Variants in WDR19 observed in about 807,000 individuals in gnomAD.
The protein encoded by WDR19 is WD repeat-containing protein 19.
A neutral mutation model predicts 180.0 loss-of-function variants in WDR19; 121 were observed. That is an observed-to-expected ratio of 0.67 (90% CI 0.58 to 0.78). The LOEUF is 0.78. Among genes scored for constraint, WDR19 ranks in the 30% least tolerant of loss-of-function variants. The pLI, the probability that WDR19 is intolerant of heterozygous loss-of-function variation, is 0.00. For synonymous variants in WDR19, 497 were observed against 540.7 expected, an observed-to-expected ratio of 0.92 and a Z score of 1.12; for missense variants, 1,450 against 1,640.7, an observed-to-expected ratio of 0.88 and a Z score of 2.01.
intron 17 of WDR19, 122 bp from the exon 18 acceptor site, chr4:39,231,675 C>T (rs530604812): frequency 1.3e-5 from 10 of 779,972 alleles, no homozygotes; most frequent in African/African-American, 1.8e-5. Flanking sequence ...ATGACAATTA[C>T]AGGTTAAGAA....
At chr4:39,281,934 C>T (rs748211443) in intron 36 of WDR19, among the ~76,000 whole-genome samples, 2 of 152,120 alleles carry the variant, frequency 1.3e-5, no homozygotes, top group Non-Finnish European at 2.9e-5. Flanking sequence ...AGTTTCCTGA[C>T]ACGTGACCCT....
Position 39,282,027 on chromosome 4 carries a change from C to G in WDR19, c.*13+3364C>G, listed in dbSNP as rs181023871. 2.3e-4 allele frequency among the ~76,000 whole-genome samples: 35 copies of G among 152,196 alleles called. 1 individual carries two copies. In the East Asian group the frequency reaches 6.7e-3, roughly 29 times the overall value. ...CTCTCCCTTCAGGTAAAGTCTGGAC[C>G]CTATTATAAAGGGCTCACCTGATGA... On this transcript the variant is annotated intron_variant, in intron 36 of 36. Transcript: ENST00000399820.
chr4:39,228,670 A>G lies in WDR19; in HGVS notation c.1962A>G (p.Ala654=), dbSNP rs770818331. 5.0e-6 allele frequency: 8 copies of G among 1,600,612 alleles called. No homozygotes were observed. Among genetic ancestry groups the G allele is most frequent in the African/African-American group, 4.0e-5 (3 of 74,434 alleles). The change falls in exon 17 of 37, where the codon GCA becomes GCG. Residue 654 remains alanine, a synonymous_variant. Coordinates refer to ENST00000399820, the MANE Select transcript of WDR19 (RefSeq NM_025132.4). ...CTGACGAACTGAGACCAATGCTGGC[A>G]CAGAATTTAATGCTAAAGAGGTAGG... ...TGPDELRPML[A]QNLMLKRFSD...
intron 3 of WDR19, among the ~76,000 whole-genome samples, chr4:39,189,306 C>T (rs1375263263): frequency 6.6e-6 from 1 of 152,090 alleles, no homozygotes; most frequent in Non-Finnish European, 1.5e-5. Context: ...AATTATGTCT[C>T]GATTCCAGAT....
Position 39,215,829 on chromosome 4 carries a change from C to G in WDR19, c.962-12C>G, listed in dbSNP as rs370663909. ...GTTTTTGAATAATCATTTATTTTGT[C>G]GATTATTTCAGGATTGGGTACCTTG... is the stretch of plus-strand genomic sequence containing the variant. On this transcript the variant is annotated splice_polypyrimidine_tract_variant and intron_variant, in intron 10 of 36. Coordinates refer to ENST00000399820, the MANE Select transcript of WDR19 (RefSeq NM_025132.4). 3.8e-6 allele frequency: 6 copies of G among 1,587,514 alleles called. No individual in the cohort carries two copies. The African/African-American group carries it at 8.1e-5, about 21-fold the overall frequency.
chr4:39,280,935 G>GC (rs367922501), intron 36 of WDR19, among the ~76,000 whole-genome samples: 2 of 151,974 alleles, frequency 1.3e-5, no homozygotes, highest in African/African-American at 4.8e-5. Context: ...TCCTTCTTTT[G>GC]CATGTAGATA....
chr4:39,221,191 G>A (rs1024117479), intron 14 of WDR19, among the ~76,000 whole-genome samples: 4 of 152,076 alleles, frequency 2.6e-5, no homozygotes, highest in Admixed American at 1.3e-4. Context: ...TATGGAATAG[G>A]AAATTTGTAT....
intron 26 of WDR19, 127 bp from the exon 27 acceptor site, chr4:39,255,718 CATT>C (rs1733680038): frequency 2.1e-6 from 1 of 480,166 alleles, no homozygotes; most frequent in Non-Finnish European, 3.7e-6. Flanking sequence ...TGAAAACAGA[CATT>C]AATAATTACA....
chr4:39,235,306 T>G (rs1175408902), intron 20 of WDR19, among the ~76,000 whole-genome samples: 1 of 152,128 alleles, frequency 6.6e-6, no homozygotes, highest in South Asian at 2.1e-4. Flanking sequence ...TTTAAATTTT[T>G]TTTAATTTTT....
intron 14 of WDR19, among the ~76,000 whole-genome samples, chr4:39,224,020 G>T (rs1031327258): frequency 3.3e-5 from 5 of 152,072 alleles, no homozygotes; most frequent in African/African-American, 1.2e-4. Flanking sequence ...TCTTTCATTA[G>T]TGTTTTATAA....
At chr4:39,203,757 T>C (rs554192739) in intron 7 of WDR19, 35 bp downstream of exon 7, 6 of 1,558,846 alleles carry the variant, frequency 3.8e-6, no homozygotes, top group Non-Finnish European at 5.3e-6. Context: ...TGCAAATCAT[T>C]TGGGTAATTT....
At chr4:39,243,499 T>C (rs996962456) in intron 21 of WDR19, among the ~76,000 whole-genome samples, 11 of 152,380 alleles carry the variant, frequency 7.2e-5, no homozygotes, top group African/African-American at 2.4e-4. Context: ...CTCATTTATC[T>C]CTTAGGTTTT....
intron 9 of WDR19, among the ~76,000 whole-genome samples, chr4:39,207,772 A>G (rs139790064): frequency 2.4e-4 from 37 of 152,338 alleles, no homozygotes; most frequent in African/African-American, 7.9e-4. Flanking sequence ...AGAACTGAGA[A>G]CAGAAGGAAA....
At chr4:39,203,558 A>G in intron 6 of WDR19, 84 bp from the exon 7 acceptor site, 1 of 1,180,330 alleles carries the variant, frequency 8.5e-7, no homozygotes, top group Non-Finnish European at 1.2e-6. Flanking sequence ...GTCAGGAATG[A>G]AAACAAGTTA....
At chr4:39,256,932 TA>T (rs113962944) in intron 27 of WDR19, among the ~76,000 whole-genome samples, 11 of 151,258 alleles carry the variant, frequency 7.3e-5, no homozygotes, top group African/African-American at 2.2e-4. Flanking sequence ...GAGCACCTAT[TA>T]AAAAAAAACA....
chr4:39,205,054 A>G, intron 7 of WDR19, 100 bp from the exon 8 acceptor site: 1 of 796,276 alleles, frequency 1.3e-6, no homozygotes, highest in South Asian at 1.9e-5. Context: ...AATTGGGCTT[A>G]TTATTTTCAC....
At position 39,225,232 on chromosome 4, in the gene WDR19, T is replaced by C. The variant is rs1248826703; in HGVS notation, c.1629+199T>C. Among the ~76,000 whole-genome samples, 4 of 152,216 alleles carry C rather than the reference T, an allele frequency of 2.6e-5. No homozygotes were observed. The East Asian group carries it at 7.7e-4, about 29-fold the overall frequency. On this transcript the variant is annotated intron_variant, in intron 15 of 36. Transcript: ENST00000399820. ...TTTTCCATTATTCTGTAATTTTTCA[T>C]AGTGGCCATCCCAGAAAGATTTTTA... is the stretch of plus-strand genomic sequence containing the variant.
At chr4:39,207,551 G>A (rs913935026) in intron 9 of WDR19, among the ~76,000 whole-genome samples, 4 of 152,164 alleles carry the variant, frequency 2.6e-5, no homozygotes, top group African/African-American at 7.2e-5. Flanking sequence ...AATGACAGTG[G>A]ATTTTCTCAC....
chr4:39,266,169 C>A (rs774409536), intron 29 of WDR19, 29 bp downstream of exon 29: 2 of 1,508,564 alleles, frequency 1.3e-6, no homozygotes, highest in Non-Finnish European at 1.8e-6. Context: ...TCGTGTGCAT[C>A]CTCAGGTCTC....
Sources: gnomAD v4.1 joint callset for allele counts (sites outside exome capture counted in the v4.1 genomes callset) on GRCh38, gnomAD v4.1.1 for gene constraint, MANE v1.5 for transcripts, NCBI Gene and HGNC (gene_info 2026-07-23, HGNC 2026-07-21) for gene names.